PLPPR1: variants seen among roughly 807,000 people sequenced by gnomAD.
PLPPR1 encodes the protein phospholipid phosphatase related 1, also known as phospholipid phosphatase-related protein type 1.
In PLPPR1, 10 loss-of-function variants were observed where a neutral mutation model predicts 33.1. That is an observed-to-expected ratio of 0.30 (90% CI 0.19 to 0.51). The LOEUF (loss-of-function observed/expected upper bound fraction) is 0.51, where lower values mean the gene tolerates loss of function less well. Ranked by LOEUF, PLPPR1 falls within the 20% of genes least tolerant of loss-of-function variation. The pLI, the probability that PLPPR1 is intolerant of heterozygous loss-of-function variation, is 0.97. For missense variants in PLPPR1, 304 were observed against 408.1 expected (o/e 0.74, Z 2.20); for synonymous variants, 151 against 151.0 (o/e 1.00, Z 0.00).
intron 2 of PLPPR1, among the ~76,000 whole-genome samples, chr9:101,205,813 G>A (rs559207019): frequency 6.6e-6 from 1 of 152,194 alleles, no homozygotes; most frequent in Non-Finnish European, 1.5e-5. Flanking sequence ...TGGTCTATGA[G>A]TGTCCTGTAC....
At chr9:101,154,894 A>C (rs967412965) in intron 1 of PLPPR1, among the ~76,000 whole-genome samples, 13 of 143,492 alleles carry the variant, frequency 9.1e-5, no homozygotes, top group Non-Finnish European at 1.9e-4. Context: ...TCTCACTCAT[A>C]GGTGGGAATT....
In PLPPR1 at chr9:101,283,240, G is replaced by A. The variant is rs1039343494; in HGVS notation, c.253-2864G>A. ...ATCCTGAGCAAAAAGAACAAATCTG[G>A]AGACATCACACTATCTGACTTCTAA... On this transcript the variant is annotated intron_variant, in intron 3 of 7. Transcript: ENST00000374874. 4.6e-5 allele frequency among the ~76,000 whole-genome samples: 7 copies of A among 152,238 alleles called. No individual in the cohort carries two copies. In the East Asian group the frequency reaches 1.3e-3, roughly 29 times the overall value.
At chr9:101,099,106 G>C (rs573829615) in intron 1 of PLPPR1, among the ~76,000 whole-genome samples, 1 of 151,564 alleles carries the variant, frequency 6.6e-6, no homozygotes, top group African/African-American at 2.4e-5. Context: ...TGTGTGTGTC[G>C]GGGGGAGGCG....
chr9:101,077,209 CTT>C (rs1249304578), intron 1 of PLPPR1, among the ~76,000 whole-genome samples: 2 of 152,190 alleles, frequency 1.3e-5, no homozygotes, highest in African/African-American at 4.8e-5. Flanking sequence ...AAAAGCCACT[CTT>C]TTTATTCCTG....
chr9:101,260,402 T>C (rs1281750967), intron 2 of PLPPR1, among the ~76,000 whole-genome samples: 2 of 152,054 alleles, frequency 1.3e-5, no homozygotes, highest in Non-Finnish European at 2.9e-5. Flanking sequence ...ATTTCAAAAG[T>C]GCAGGTGAGA....
At chr9:101,148,138 G>A (rs1199622683) in intron 1 of PLPPR1, among the ~76,000 whole-genome samples, 1 of 152,122 alleles carries the variant, frequency 6.6e-6, no homozygotes, top group Admixed American at 6.5e-5. Context: ...GGGTAAATGA[G>A]TTGAGTCTTC....
chr9:101,185,451 C>T lies in PLPPR1; in HGVS notation c.-44C>T. On this transcript the variant is annotated splice_region_variant and 5_prime_UTR_variant, in exon 2 of 8. Coordinates refer to ENST00000374874, the MANE Select transcript of PLPPR1 (RefSeq NM_207299.2). ...CTATGCAACCTATTTCTATTTCAGC[C>T]TGGACAGTTTTTGACGGTGCAGTCT... 1.6e-6 allele frequency: 2 copies of T among 1,241,364 alleles called. No homozygotes were observed. The highest frequency in any genetic ancestry group is 2.4e-6 in the Non-Finnish European group (2 of 850,718). The allele number at this position is 1,241,364 out of a possible 1,614,324, so 76.9% of individuals were successfully genotyped here.
chr9:101,257,827 T>A (rs534061643), intron 2 of PLPPR1, among the ~76,000 whole-genome samples: 100 of 39,654 alleles, frequency 2.5e-3, no homozygotes, highest in African/African-American at 0.024. Flanking sequence ...TAAAATCCTA[T>A]TTTTTTTTAG....
intron 2 of PLPPR1, among the ~76,000 whole-genome samples, chr9:101,246,085 T>TGA (rs1827600094): frequency 1.9e-5 from 2 of 105,762 alleles, no homozygotes; most frequent in Non-Finnish European, 3.7e-5. Context: ...TATATATATA[T>TGA]ATATATATAT....
At chr9:101,201,776 AT>A (rs1027016789) in intron 2 of PLPPR1, among the ~76,000 whole-genome samples, 80 of 152,234 alleles carry the variant, frequency 5.3e-4, no homozygotes, top group African/African-American at 1.9e-3. Context: ...AACTTGCTCT[AT>A]TATGTCATTT....
intron 2 of PLPPR1, among the ~76,000 whole-genome samples, chr9:101,251,103 A>G (rs1185459303): frequency 6.6e-6 from 1 of 152,076 alleles, no homozygotes; most frequent in Admixed American, 6.6e-5. Flanking sequence ...GATGTCTAAT[A>G]GGCATATCAA....
At chr9:101,206,718 A>T (rs1205516434) in intron 2 of PLPPR1, among the ~76,000 whole-genome samples, 1 of 152,146 alleles carries the variant, frequency 6.6e-6, no homozygotes, top group Non-Finnish European at 1.5e-5. Context: ...TCATCTGTTG[A>T]ATGTCTACCC....
intron 1 of PLPPR1, among the ~76,000 whole-genome samples, chr9:101,126,976 C>A (rs1198216000): frequency 3.3e-5 from 5 of 152,184 alleles, no homozygotes; most frequent in African/African-American, 1.2e-4. Flanking sequence ...ATTTATCCAA[C>A]TCCATAGTCC....
chr9:101,197,154 A>G (rs1416829213), intron 2 of PLPPR1, among the ~76,000 whole-genome samples: 2 of 152,158 alleles, frequency 1.3e-5, no homozygotes, highest in Non-Finnish European at 2.9e-5. Context: ...TGTTACCCAG[A>G]GAACTAGCCA....
intron 1 of PLPPR1, among the ~76,000 whole-genome samples, chr9:101,043,756 C>G (rs1201087222): frequency 6.6e-6 from 1 of 152,060 alleles, no homozygotes; most frequent in Non-Finnish European, 1.5e-5. Flanking sequence ...GTTTACATTC[C>G]CACCAGCAGT....
intron 2 of PLPPR1, among the ~76,000 whole-genome samples, chr9:101,261,554 A>G (rs1026781541): frequency 5.3e-5 from 8 of 152,100 alleles, no homozygotes; most frequent in African/African-American, 1.9e-4. Context: ...CCACACTTTA[A>G]TTGCTTTAAT....
At chr9:101,134,219 T>G (rs960636659) in intron 1 of PLPPR1, among the ~76,000 whole-genome samples, 4 of 152,204 alleles carry the variant, frequency 2.6e-5, no homozygotes, top group African/African-American at 9.6e-5. Context: ...TATCTGTGTG[T>G]TAAGCCTTTA....
intron 1 of PLPPR1, among the ~76,000 whole-genome samples, chr9:101,150,368 T>G (rs1831566592): frequency 6.6e-6 from 1 of 152,198 alleles, no homozygotes; most frequent in Non-Finnish European, 1.5e-5. Context: ...AGTTTTGTAG[T>G]TTTATGCATA....
intron 4 of PLPPR1, among the ~76,000 whole-genome samples, chr9:101,296,405 T>A (rs537107010): frequency 6.6e-6 from 1 of 151,574 alleles, no homozygotes; most frequent in Non-Finnish European, 1.5e-5. Flanking sequence ...TCCTCAGGGA[T>A]CTAGTACTAG....
Sources: gnomAD v4.1 joint callset for allele counts (sites outside exome capture counted in the v4.1 genomes callset) on GRCh38, gnomAD v4.1.1 for gene constraint, MANE v1.5 for transcripts, NCBI Gene and HGNC (gene_info 2026-07-23, HGNC 2026-07-21) for gene names.